Variants in VCF1 observed in about 807,000 individuals in gnomAD.
VCF1 encodes the protein protein VCF1.
chr17:73,207,786 A>G, the VCF1 span: 6 of 1,288,306 alleles, frequency 4.7e-6, no homozygotes, highest in South Asian at 1.2e-5. Flanking sequence ...AAGCTCAAAC[A>G]GCTTGTCTTC....
the VCF1 span, chr17:73,212,618 T>C: frequency 2.8e-6 from 4 of 1,415,886 alleles, no homozygotes; most frequent in South Asian, 3.7e-5. Flanking sequence ...AATGGCCACT[T>C]GCACCTTGCG....
the VCF1 span, chr17:73,212,599 A>G: frequency 8.3e-7 from 1 of 1,201,292 alleles, no homozygotes; most frequent in Non-Finnish European, 1.2e-6. Flanking sequence ...ACCTAGTATA[A>G]CAATGTAGAA....
the VCF1 span, among the ~76,000 whole-genome samples, chr17:73,217,527 G>A: frequency 6.6e-6 from 1 of 152,104 alleles, no homozygotes; most frequent in Non-Finnish European, 1.5e-5. Context: ...GCGTGCACCT[G>A]CAGTCCCAGC....
At chr17:73,230,824 C>T in the VCF1 span, among the ~76,000 whole-genome samples, 1 of 152,142 alleles carries the variant, frequency 6.6e-6, no homozygotes, top group Non-Finnish European at 1.5e-5. Flanking sequence ...TATTTGTGTA[C>T]AAGATAAAAG....
chr17:73,217,777 G>A, the VCF1 span, among the ~76,000 whole-genome samples: 1 of 151,304 alleles, frequency 6.6e-6, no homozygotes, highest in Non-Finnish European at 1.5e-5. Context: ...TTTGAGACCA[G>A]CCTGGGCAAC....
At chr17:73,209,900 C>T in the VCF1 span, 13 of 1,361,800 alleles carry the variant, frequency 9.5e-6, no homozygotes, top group Non-Finnish European at 1.3e-5. Flanking sequence ...ATATACTGGG[C>T]TTTGGAATTG....
chr17:73,229,750 C>T, the VCF1 span: 1 of 198,624 alleles, frequency 5.0e-6, no homozygotes, highest in African/African-American at 2.4e-5. Flanking sequence ...TGCCTGTAAT[C>T]CCAGCTACTT....
At chr17:73,212,536 C>T in the VCF1 span, 33 of 555,026 alleles carry the variant, frequency 5.9e-5, no homozygotes, top group Non-Finnish European at 3.5e-5. Context: ...TACTTAGAGG[C>T]TTAAGAAGTC....
the VCF1 span, chr17:73,207,389 G>A: frequency 5.1e-5 from 45 of 877,166 alleles, no homozygotes; most frequent in East Asian, 8.5e-4. Context: ...TTTTAATGGC[G>A]GCGCAATAGA....
At chr17:73,232,150 G>A in the VCF1 span, 8 of 1,610,430 alleles carry the variant, frequency 5.0e-6, no homozygotes, top group African/African-American at 1.3e-5. Context: ...GCTCCGCGAA[G>A]AGAGGGAACA....
the VCF1 span, chr17:73,232,201 G>C: frequency 1.7e-5 from 28 of 1,610,548 alleles, no homozygotes; most frequent in Admixed American, 3.3e-5. Flanking sequence ...CCACCCCCTC[G>C]GGCCTTGGCT....
the VCF1 span, among the ~76,000 whole-genome samples, chr17:73,226,555 T>C: frequency 6.6e-6 from 1 of 152,214 alleles, no homozygotes; most frequent in Non-Finnish European, 1.5e-5. Context: ...ATTGGTTTCC[T>C]TTCCCCAGCA....
the VCF1 span, chr17:73,227,658 GACA>G: frequency 1.0e-6 from 1 of 986,322 alleles, no homozygotes; most frequent in African/African-American, 1.7e-5. Flanking sequence ...CCTTCCATAT[GACA>G]ACATTTGATA....
the VCF1 span, among the ~76,000 whole-genome samples, chr17:73,212,959 A>G: frequency 6.6e-6 from 1 of 152,248 alleles, no homozygotes; most frequent in Non-Finnish European, 1.5e-5. Flanking sequence ...CATTTAAAAA[A>G]TCTTGGCTGG....
the VCF1 span, among the ~76,000 whole-genome samples, chr17:73,217,357 A>T: frequency 7.2e-6 from 1 of 138,616 alleles, no homozygotes; most frequent in African/African-American, 2.6e-5. Flanking sequence ...TATCTCAATT[A>T]AAAAAAAAAA....
At chr17:73,232,054 G>T in the VCF1 span, 11 of 1,558,402 alleles carry the variant, frequency 7.1e-6, no homozygotes, top group Non-Finnish European at 9.6e-6. Flanking sequence ...ATCCTCAGGC[G>T]ACGAATGGAA....
At chr17:73,215,407 T>G in the VCF1 span, among the ~76,000 whole-genome samples, 1 of 152,058 alleles carries the variant, frequency 6.6e-6, no homozygotes, top group African/African-American at 2.4e-5. Context: ...CTCAGCCTCT[T>G]GAGCAGCTGG....
At chr17:73,221,172 C>A in the VCF1 span, among the ~76,000 whole-genome samples, 1 of 119,036 alleles carries the variant, frequency 8.4e-6, no homozygotes, top group African/African-American at 3.5e-5. Flanking sequence ...GCTGGGATTG[C>A]AGGCATGAGC....
the VCF1 span, among the ~76,000 whole-genome samples, chr17:73,210,096 TTTTCCCATTCA>T: frequency 1.3e-5 from 2 of 152,178 alleles, no homozygotes; most frequent in Admixed American, 6.5e-5. Flanking sequence ...CTATACCTGC[TTTTCCCATTCA>T]TTTCAATAAT....
Sources: allele counts gnomAD v4.1 joint callset (sites outside exome capture counted in the v4.1 genomes callset), GRCh38; gene constraint gnomAD v4.1.1; transcripts MANE v1.5; gene names NCBI Gene and HGNC (gene_info 2026-07-23, HGNC 2026-07-21).